Variants in ROBO2 observed in about 807,000 individuals in gnomAD.
The protein encoded by ROBO2 is roundabout guidance receptor 2, also known as roundabout homolog 2.
In ROBO2, 53 loss-of-function variants were observed where a neutral mutation model predicts 160.8. The ratio of observed to expected loss-of-function variants is 0.33; its 90% CI spans 0.26 to 0.41. ROBO2 has a LOEUF of 0.41. Ranked by LOEUF, ROBO2 falls within the 10% of genes least tolerant of loss-of-function variation. The probability of loss-of-function intolerance (pLI) is 1.00; values close to 1 mark genes in which losing one functional copy is unlikely to be tolerated. For synonymous variants in ROBO2, 664 were observed against 611.7 expected (o/e 1.09, Z -1.26); for missense variants, 1,577 against 1,722.4 (o/e 0.92, Z 1.49).
At chr3:77,399,182 G>T (rs1200348523) in intron 2 of ROBO2, among the ~76,000 whole-genome samples, 1 of 152,082 alleles carries the variant, frequency 6.6e-6, no homozygotes, top group Admixed American at 6.6e-5. Flanking sequence ...TTCTAGAAAG[G>T]CACTTAAAAC....
intron 2 of ROBO2, among the ~76,000 whole-genome samples, chr3:75,956,754 A>C (rs1948734985): frequency 6.6e-6 from 1 of 151,734 alleles, no homozygotes; most frequent in South Asian, 2.1e-4. Flanking sequence ...TGTTCAATGA[A>C]CACTGCCTTC....
rs556687487 is a variant in ROBO2, at chr3:76,580,338, T to G, written c.110-517676T>G. On this transcript the variant is annotated intron_variant, in intron 2 of 26. Coordinates refer to the ROBO2 transcript ENST00000487694. ...CCCTGTTTTTTTTTTGTTTTTTTTT[T>G]TGTGTTTTTTTTTTTGTTTTTTTTT... Among the ~76,000 whole-genome samples the G allele has an allele frequency of 4.8e-3, 607 of 127,018 alleles. 9 individuals are homozygous for G. Among genetic ancestry groups the G allele is most frequent in the African/African-American group, 0.014 (474 of 33,962 alleles). The allele number at this position is 127,018 out of a possible 152,430, so 83.3% of individuals were successfully genotyped here. A position where few individuals can be genotyped will look rare whatever the true frequency, so the allele number is the denominator to read the frequency against.
intron 2 of ROBO2, among the ~76,000 whole-genome samples, chr3:76,238,740 G>T (rs1397974579): frequency 6.6e-6 from 1 of 151,446 alleles, no homozygotes; most frequent in Non-Finnish European, 1.5e-5. Context: ...TATGTGAGAA[G>T]AACATGAGGA....
intron 2 of ROBO2, among the ~76,000 whole-genome samples, chr3:76,662,886 C>T (rs28597077): frequency 0.031 from 4,706 of 152,168 alleles, 231 homozygotes; most frequent in African/African-American, 0.1. Flanking sequence ...GAGTGTCCTT[C>T]ACCAGATGTT....
At chr3:77,343,956 TA>T (rs1446774639) in intron 2 of ROBO2, among the ~76,000 whole-genome samples, 1 of 152,166 alleles carries the variant, frequency 6.6e-6, no homozygotes, top group Admixed American at 6.6e-5. Context: ...GGTTCCAGGT[TA>T]TATGAGTCAG....
chr3:77,204,950 C>A (rs895614104), intron 2 of ROBO2, among the ~76,000 whole-genome samples: 3 of 152,178 alleles, frequency 2.0e-5, no homozygotes, highest in East Asian at 1.9e-4. Context: ...TCAGTTGCTG[C>A]GGCTGCTCAG....
intron 2 of ROBO2, among the ~76,000 whole-genome samples, chr3:77,139,260 A>G (rs1435281155): frequency 6.6e-6 from 1 of 152,160 alleles, no homozygotes; most frequent in African/African-American, 2.4e-5. Context: ...TATACAAGTA[A>G]TTTTCTGATG....
At chr3:77,137,309 C>A (rs1188122596) in intron 2 of ROBO2, among the ~76,000 whole-genome samples, 3 of 151,664 alleles carry the variant, frequency 2.0e-5, no homozygotes, top group Admixed American at 2.0e-4. Context: ...TCACTGCAAC[C>A]TGCACCTCCC....
At chr3:77,096,790 T>C (rs984821186) in intron 1 of ROBO2, among the ~76,000 whole-genome samples, 2 of 152,152 alleles carry the variant, frequency 1.3e-5, no homozygotes, top group Non-Finnish European at 2.9e-5. Context: ...CCCACTTTTA[T>C]TGCATTCACA....
At chr3:76,759,422 A>C (rs1436909724) in intron 2 of ROBO2, among the ~76,000 whole-genome samples, 1 of 151,788 alleles carries the variant, frequency 6.6e-6, no homozygotes, top group Non-Finnish European at 1.5e-5. Flanking sequence ...TTAAATCATT[A>C]ATTATTACAA....
intron 1 of ROBO2, among the ~76,000 whole-genome samples, chr3:77,070,590 C>T (rs567327339): frequency 4.6e-5 from 7 of 152,176 alleles, no homozygotes; most frequent in East Asian, 1.9e-4. Context: ...GGGGGACACA[C>T]TATTCAACCC....
exon 24 of ROBO2, chr3:77,634,934 C>G (rs752182240): frequency 6.2e-7 from 1 of 1,614,094 alleles, no homozygotes; most frequent in African/African-American, 1.3e-5. Context: ...ACAGTAACAC[C>G]AGTGCAGCCC....
At chr3:77,310,715 C>T (rs1281935488) in intron 2 of ROBO2, among the ~76,000 whole-genome samples, 1 of 151,688 alleles carries the variant, frequency 6.6e-6, no homozygotes, top group Non-Finnish European at 1.5e-5. Context: ...AACAGTTATC[C>T]AATATCCTAA....
intron 2 of ROBO2, among the ~76,000 whole-genome samples, chr3:76,207,700 G>A (rs1702896076): frequency 6.6e-6 from 1 of 152,184 alleles, no homozygotes; most frequent in African/African-American, 2.4e-5. Flanking sequence ...GATTAAATAT[G>A]AATTTGTGCT....
chr3:76,319,624 ATTTCTCAAT>A (rs1576401936), intron 2 of ROBO2, among the ~76,000 whole-genome samples: 4 of 598 alleles, frequency 6.7e-3, no homozygotes, highest in Non-Finnish European at 0.019. Context: ...CAAAATCTCA[ATTTCTCAAT>A]TTAGGGTAAT....
intron 2 of ROBO2, among the ~76,000 whole-genome samples, chr3:76,881,521 G>A (rs183511750): frequency 7.9e-5 from 12 of 152,004 alleles, no homozygotes; most frequent in African/African-American, 2.9e-4. Context: ...ACTTCCTAAT[G>A]CCATTTTCAA....
intron 1 of ROBO2, among the ~76,000 whole-genome samples, chr3:75,913,070 G>T (rs774877533): frequency 5.3e-5 from 8 of 152,164 alleles, no homozygotes; most frequent in Non-Finnish European, 7.3e-5. Flanking sequence ...TCCTTCTGGA[G>T]GTGCTGAGGG....
intron 2 of ROBO2, among the ~76,000 whole-genome samples, chr3:76,018,637 T>C (rs2107650775): frequency 6.6e-6 from 1 of 152,096 alleles, no homozygotes; most frequent in Middle Eastern, 3.4e-3. Context: ...GACTTCAAAC[T>C]TAATTGTGTT....
chr3:76,204,625 G>A (rs1702712895), intron 2 of ROBO2, among the ~76,000 whole-genome samples: 1 of 152,136 alleles, frequency 6.6e-6, no homozygotes, highest in East Asian at 1.9e-4. Flanking sequence ...GAATGTGTTT[G>A]CTCTCCCACT....
Sources: gnomAD v4.1 joint callset for allele counts (sites outside exome capture counted in the v4.1 genomes callset) on GRCh38, gnomAD v4.1.1 for gene constraint, MANE v1.5 for transcripts, NCBI Gene and HGNC (gene_info 2026-07-23, HGNC 2026-07-21) for gene names.